SPECC1: variants seen among roughly 807,000 people sequenced by gnomAD.
SPECC1 encodes the protein sperm antigen with calponin homology and coiled-coil domains 1.
In SPECC1, 62 loss-of-function variants were observed where a neutral mutation model predicts 104.1. The observed-to-expected ratio is 0.60, with a 90% confidence interval of 0.49 to 0.74. The LOEUF (loss-of-function observed/expected upper bound fraction) is 0.74. Ranked by LOEUF, SPECC1 falls within the 30% of genes least tolerant of loss-of-function variation. SPECC1 has a pLI of 0.00. For synonymous variants in SPECC1, 513 were observed against 501.6 expected (o/e 1.02, Z -0.30); for missense variants, 1,306 against 1,310.5 (o/e 1.00, Z 0.05).
intron 3 of SPECC1, among the ~76,000 whole-genome samples, chr17:20,195,158 C>T (rs770407608): frequency 2.0e-5 from 3 of 152,146 alleles, no homozygotes; most frequent in Non-Finnish European, 4.4e-5. Flanking sequence ...TGTTGTTACG[C>T]TCTCCAAAGT....
intron 9 of SPECC1, 89 bp downstream of exon 9, chr17:20,247,408 GTA>G: frequency 1.2e-6 from 1 of 829,860 alleles, no homozygotes; most frequent in East Asian, 2.6e-5. Flanking sequence ...GTCCGTGTGT[GTA>G]TGTGTGTGTG....
intron 4 of SPECC1, among the ~76,000 whole-genome samples, chr17:20,221,730 T>C (rs555444754): frequency 6.6e-6 from 1 of 152,266 alleles, no homozygotes; most frequent in South Asian, 2.1e-4. Context: ...AGATGCATTG[T>C]TTGTTTATTT....
intron 12 of SPECC1, among the ~76,000 whole-genome samples, chr17:20,289,624 T>C (rs2041088741): frequency 6.6e-6 from 1 of 152,212 alleles, no homozygotes; most frequent in South Asian, 2.1e-4. Context: ...AACACTTTTA[T>C]ACTGTTGGTG....
At chr17:20,142,827 C>CAAA (rs35579592) in intron 3 of SPECC1, among the ~76,000 whole-genome samples, 1 of 142,344 alleles carries the variant, frequency 7.0e-6, no homozygotes, top group African/African-American at 2.6e-5. Context: ...CTATCTTTAC[C>CAAA]AAAAAAAAAA....
In SPECC1 at chr17:20,205,139, A is replaced by G. The variant is rs1466048441; in HGVS notation, c.1090A>G (p.Ser364Gly). ...TTCTACTGCTGGGAGTTCCCCAAAC[A>G]GCGTAAGTGAATTGTCCCTGGCTTC... ...KCSTAGSSPNSVSELSLASLT... is the reference protein window; with the variant it reads ...KCSTAGSSPNGVSELSLASLT... Residue 364 changes from serine to glycine, a missense_variant, in exon 4 of 15, where the codon AGC becomes GGC. Transcript: ENST00000395527. 6.2e-7 allele frequency: 1 copy of G among 1,614,186 alleles called. No homozygotes were observed.
At chr17:20,088,426 G>A (rs1013295726) in intron 1 of SPECC1, among the ~76,000 whole-genome samples, 10 of 152,176 alleles carry the variant, frequency 6.6e-5, no homozygotes, top group East Asian at 1.9e-4. Context: ...TGCAGCACCC[G>A]GGTGAGAGGC....
In SPECC1 at chr17:20,317,440, T is replaced by C. The variant is rs1278805288; in HGVS notation, c.*3375T>C. ...CATGCCTGGCATATTTTTGTATTTT[T>C]AGTAGAAACAGTTTCACCATGTTGG... is the stretch of plus-strand genomic sequence containing the variant. On this transcript the variant is annotated 3_prime_UTR_variant, in exon 15 of 15. Coordinates refer to ENST00000395527, the MANE Select transcript of SPECC1 (RefSeq NM_001243439.2). 1 of 176,750 alleles carries C rather than the reference T, an allele frequency of 5.7e-6. No homozygotes were observed. Among genetic ancestry groups the C allele is most frequent in the African/African-American group, 2.4e-5 (1 of 41,990 alleles). 10.9% of individuals were successfully genotyped at this position (176,750 alleles called of 1,614,324 possible). A position where few individuals can be genotyped will look rare whatever the true frequency, so the allele number is the denominator to read the frequency against.
At position 20,318,991 on chromosome 17, in the gene SPECC1, G is replaced by A. The variant is rs2042072484; in HGVS notation, c.*4926G>A. The A allele has an allele frequency of 5.6e-6, 1 of 178,094 alleles. No individual in the cohort carries two copies. The highest frequency in any genetic ancestry group is 2.0e-4 in the South Asian group (1 of 5,028). 11.0% of individuals were successfully genotyped at this position (178,094 alleles called of 1,614,324 possible). On this transcript the variant is annotated 3_prime_UTR_variant, in exon 15 of 15. Coordinates refer to ENST00000395527, the MANE Select transcript of SPECC1 (RefSeq NM_001243439.2). Reference sequence around the variant, plus strand: ...ATAGGAAAGTGTATGATAAATGACTGTAATATTTCTAATAAATATATTTTG... The same window carrying A: ...ATAGGAAAGTGTATGATAAATGACTATAATATTTCTAATAAATATATTTTG...
intron 3 of SPECC1, among the ~76,000 whole-genome samples, chr17:20,156,522 C>T (rs973062770): frequency 6.6e-6 from 1 of 152,186 alleles, no homozygotes; most frequent in African/African-American, 2.4e-5. Context: ...CGCGCCTGGC[C>T]TGCGCCTAGA....
At chr17:20,298,274 C>T (rs1170370906) in intron 13 of SPECC1, among the ~76,000 whole-genome samples, 3 of 152,104 alleles carry the variant, frequency 2.0e-5, no homozygotes, top group Non-Finnish European at 4.4e-5. Flanking sequence ...ATTGCTTGAA[C>T]CTGGGAGGCA....
At chr17:20,087,676 C>G (rs1476869486) in intron 1 of SPECC1, among the ~76,000 whole-genome samples, 1 of 152,066 alleles carries the variant, frequency 6.6e-6, no homozygotes, top group Non-Finnish European at 1.5e-5. Flanking sequence ...TTGTTGAACA[C>G]TTATTATGTG....
chr17:20,087,163 G>A (rs2047210895), intron 1 of SPECC1: 1 of 152,204 alleles, frequency 6.6e-6, no homozygotes, highest in African/African-American at 2.4e-5. Flanking sequence ...TTTCTGTGAA[G>A]ATGCCTGGTT....
chr17:20,054,651 T>A (rs2045893800), intron 1 of SPECC1, among the ~76,000 whole-genome samples: 1 of 152,174 alleles, frequency 6.6e-6, no homozygotes, highest in South Asian at 2.1e-4. Flanking sequence ...ATCTGATCTT[T>A]TAAAATGTTT....
At chr17:20,143,175 GAA>G (rs35425849) in intron 3 of SPECC1, among the ~76,000 whole-genome samples, 3 of 140,124 alleles carry the variant, frequency 2.1e-5, no homozygotes, top group Middle Eastern at 3.6e-3. Flanking sequence ...TTCTTTATAG[GAA>G]AAAAAAAAAA....
chr17:20,171,609 G>A (rs1052067174), intron 3 of SPECC1, among the ~76,000 whole-genome samples: 1 of 151,966 alleles, frequency 6.6e-6, no homozygotes, highest in Non-Finnish European at 1.5e-5. Context: ...GAGCAGTGGT[G>A]CAATCATGGC....
chr17:20,172,283 C>G (rs2034148734), intron 3 of SPECC1, among the ~76,000 whole-genome samples: 1 of 152,196 alleles, frequency 6.6e-6, no homozygotes, highest in South Asian at 2.1e-4. Flanking sequence ...AGCTGATCCT[C>G]CATGGGTTGA....
At chr17:20,104,134 T>A (rs1226880728) in intron 2 of SPECC1, among the ~76,000 whole-genome samples, 1 of 152,166 alleles carries the variant, frequency 6.6e-6, no homozygotes, top group East Asian at 1.9e-4. Flanking sequence ...AGTACGATAT[T>A]TGACATTTAC....
intron 7 of SPECC1, among the ~76,000 whole-genome samples, chr17:20,240,359 A>G (rs2703780): frequency 0.71 from 107,492 of 151,772 alleles, 39,858 homozygotes; most frequent in East Asian, 0.99. Flanking sequence ...TATTAGGGAT[A>G]CGGTTGTATC....
chr17:20,200,341 T>C (rs1341322226), intron 3 of SPECC1, among the ~76,000 whole-genome samples: 1 of 152,254 alleles, frequency 6.6e-6, no homozygotes, highest in Non-Finnish European at 1.5e-5. Flanking sequence ...GTATAATTTT[T>C]CATTGGCATT....
Sources: allele counts gnomAD v4.1 joint callset (sites outside exome capture counted in the v4.1 genomes callset), GRCh38; gene constraint gnomAD v4.1.1; transcripts MANE v1.5; gene names NCBI Gene and HGNC (gene_info 2026-07-23, HGNC 2026-07-21).